GALNT2: variants seen among roughly 807,000 people sequenced by gnomAD.
The protein encoded by GALNT2 is polypeptide N-acetylgalactosaminyltransferase 2, also known as UDP-GalNAc:polypeptide N-acetylgalactosaminyltransferase 2.
In GALNT2, 31 loss-of-function variants were observed where a neutral mutation model predicts 81.4. That is an observed-to-expected ratio of 0.38 (90% CI 0.29 to 0.51). GALNT2 has a LOEUF of 0.51. Ranked by LOEUF, GALNT2 falls within the 20% of genes least tolerant of loss-of-function variation. The pLI is 0.87. For synonymous variants in GALNT2, 303 were observed against 287.4 expected, an observed-to-expected ratio of 1.05 and a Z score of -0.55; for missense variants, 629 against 765.7, an observed-to-expected ratio of 0.82 and a Z score of 2.11.
chr1:230,127,849 G>A (rs2102809073), intron 1 of GALNT2, among the ~76,000 whole-genome samples: 2 of 152,208 alleles, frequency 1.3e-5, no homozygotes, highest in Middle Eastern at 6.8e-3. Flanking sequence ...CATTACCACG[G>A]TATTGCTGAC....
chr1:230,199,286 G>A (rs142211521), intron 2 of GALNT2, among the ~76,000 whole-genome samples: 46 of 152,276 alleles, frequency 3.0e-4, no homozygotes, highest in Middle Eastern at 6.8e-3. Flanking sequence ...TTTGCGTGGG[G>A]TTGGGCTGGG....
At chr1:230,246,693 C>T (rs1000285535) in intron 8 of GALNT2, among the ~76,000 whole-genome samples, 3 of 152,112 alleles carry the variant, frequency 2.0e-5, no homozygotes, top group African/African-American at 7.2e-5. Flanking sequence ...TTCTTGTACC[C>T]CTCTTTCCCA....
chr1:230,115,352 G>A (rs943853371), intron 1 of GALNT2, among the ~76,000 whole-genome samples: 1 of 152,118 alleles, frequency 6.6e-6, no homozygotes, highest in African/African-American at 2.4e-5. Context: ...TGAGAAAATT[G>A]TGGGTTTGAT....
At chr1:230,180,426 G>A (rs780503422) in intron 2 of GALNT2, among the ~76,000 whole-genome samples, 1 of 147,544 alleles carries the variant, frequency 6.8e-6, no homozygotes, top group African/African-American at 2.5e-5. Context: ...GGCAATATTC[G>A]TATGGTTCTA....
rs1273285531 is a variant in GALNT2 at position 230,275,142 on chromosome 1, C to T, written c.1560+578C>T. Among the ~76,000 whole-genome samples the T allele has an allele frequency of 1.3e-5, 2 of 150,730 alleles. No individual in the cohort carries two copies. The highest frequency in any genetic ancestry group is 3.9e-4 in the East Asian group (2 of 5,116). On this transcript the variant is annotated intron_variant, in intron 15 of 15. Transcript: ENST00000366672. The surrounding 1 kb of genome is among the most constrained non-coding windows in gnomAD (Gnocchi z 5.5). Reference sequence around the variant, plus strand: ...TACATATATATACACACCACATATACATATATACACACCACATATACATAT... The same window carrying T: ...TACATATATATACACACCACATATATATATATACACACCACATATACATAT...
At chr1:230,242,790 A>G (rs1174958319) in intron 6 of GALNT2, among the ~76,000 whole-genome samples, 1 of 152,234 alleles carries the variant, frequency 6.6e-6, no homozygotes, top group African/African-American at 2.4e-5. Flanking sequence ...GACCAATAGT[A>G]TAACTAATTT....
At chr1:230,273,399 T>C (rs1236000318) in intron 14 of GALNT2, among the ~76,000 whole-genome samples, 1 of 152,314 alleles carries the variant, frequency 6.6e-6, no homozygotes, top group African/African-American at 2.4e-5. Context: ...CACTGCAGCG[T>C]GCTGGGGCTT....
intron 1 of GALNT2, among the ~76,000 whole-genome samples, chr1:230,085,165 C>T (rs1223912504): frequency 6.6e-6 from 1 of 152,182 alleles, no homozygotes; most frequent in Admixed American, 6.5e-5. Context: ...ACTCTCCTTT[C>T]ACCACTGCGG....
At chr1:230,068,650 G>A (rs766650122) in intron 1 of GALNT2, among the ~76,000 whole-genome samples, 9 of 152,158 alleles carry the variant, frequency 5.9e-5, no homozygotes, top group Non-Finnish European at 1.3e-4. Flanking sequence ...CTGCTTCAGA[G>A]GTTTTTTCTT....
chr1:230,250,640 T>A (rs964694527), intron 10 of GALNT2, 80 bp downstream of exon 10: 6 of 993,868 alleles, frequency 6.0e-6, no homozygotes, highest in Non-Finnish European at 7.6e-6. Flanking sequence ...AAAAAAAATT[T>A]AAAAGGCTTC....
chr1:230,144,299 G>A (rs538113721), intron 1 of GALNT2, among the ~76,000 whole-genome samples: 2 of 152,206 alleles, frequency 1.3e-5, no homozygotes, highest in Non-Finnish European at 2.9e-5. Flanking sequence ...TAATTACATG[G>A]AGACAGTAGT....
At chr1:230,138,062 C>T (rs183743729) in intron 1 of GALNT2, among the ~76,000 whole-genome samples, 37 of 152,284 alleles carry the variant, frequency 2.4e-4, no homozygotes, top group Admixed American at 6.5e-4. Context: ...TCGTTGCGTG[C>T]GTCTTTTCCA....
chr1:230,083,773 G>T (rs1390898740), intron 1 of GALNT2, among the ~76,000 whole-genome samples: 3 of 152,082 alleles, frequency 2.0e-5, no homozygotes, highest in Admixed American at 1.3e-4. Context: ...TTTTTACTTG[G>T]AGTATCTGGA....
At chr1:230,208,189 G>A (rs182285181) in intron 3 of GALNT2, among the ~76,000 whole-genome samples, 34 of 152,240 alleles carry the variant, frequency 2.2e-4, no homozygotes, top group Middle Eastern at 6.8e-3. Flanking sequence ...CTCTCTCTGC[G>A]TTGGGAAGCT....
At chr1:230,254,018 T>C (rs1467503552) in intron 10 of GALNT2, among the ~76,000 whole-genome samples, 1 of 152,240 alleles carries the variant, frequency 6.6e-6, no homozygotes, top group Non-Finnish European at 1.5e-5. Flanking sequence ...TTGATTTTTG[T>C]CCTGCCTCCC....
chr1:230,220,111 A>G (rs893230810), intron 3 of GALNT2, among the ~76,000 whole-genome samples: 2 of 152,212 alleles, frequency 1.3e-5, no homozygotes, highest in Admixed American at 6.5e-5. Context: ...ATCTTGAGAC[A>G]GTACCTTGTA....
upstream of GALNT2, among the ~76,000 whole-genome samples, chr1:230,067,012 C>A (rs1659204769): frequency 6.7e-6 from 1 of 148,318 alleles, no homozygotes; most frequent in African/African-American, 2.4e-5. Context: ...CCGCAGCCGC[C>A]GCCGATTGGT....
chr1:230,256,676 G>A (rs944557002), intron 11 of GALNT2, among the ~76,000 whole-genome samples: 1 of 152,142 alleles, frequency 6.6e-6, no homozygotes, highest in Admixed American at 6.5e-5. Flanking sequence ...AAGTAAAATA[G>A]CAAATAGCCG....
At chr1:230,185,351 T>G (rs1663301291) in intron 2 of GALNT2, among the ~76,000 whole-genome samples, 1 of 151,918 alleles carries the variant, frequency 6.6e-6, no homozygotes, top group Non-Finnish European at 1.5e-5. Flanking sequence ...TGTAATTTTA[T>G]GTTGAAAGCT....
Sources: allele counts gnomAD v4.1 joint callset (sites outside exome capture counted in the v4.1 genomes callset), GRCh38; gene constraint gnomAD v4.1.1; non-coding constraint Gnocchi (gnomAD v3.1); transcripts MANE v1.5; gene names NCBI Gene and HGNC (gene_info 2026-07-23, HGNC 2026-07-21).